The following NCAM2 variants were observed in gnomAD, a reference collection of about 807,000 sequenced individuals.
The protein encoded by NCAM2 is neural cell adhesion molecule 2.
A neutral mutation model predicts 98.1 loss-of-function variants in NCAM2; 30 were observed. The observed-to-expected ratio is 0.31, with a 90% CI of 0.23 to 0.41. The LOEUF (loss-of-function observed/expected upper bound fraction) is 0.41, where lower values mean the gene tolerates loss of function less well. NCAM2 is among the 10% of genes least tolerant of loss of function. NCAM2 has a pLI of 1.00. For missense variants in NCAM2, 867 were observed against 1,005.8 expected, an observed-to-expected ratio of 0.86 and a Z score of 1.87; for synonymous variants, 368 against 342.4, an observed-to-expected ratio of 1.07 and a Z score of -0.83.
chr21:21,450,831 CACAT>C (rs1446119900), intron 12 of NCAM2, among the ~76,000 whole-genome samples: 38 of 134,718 alleles, frequency 2.8e-4, no homozygotes, highest in African/African-American at 9.7e-4. Context: ...CACACACACA[CACAT>C]ATCTCCTGTC....
Position 21,508,947 on chromosome 21 carries a change from T to C in NCAM2, c.2174T>C (p.Phe725Ser). Reference protein sequence around the residue: ...ILVVTDVSCFFIRQCGLLMCI... With the variant: ...ILVVTDVSCFSIRQCGLLMCI... ...GTGGTAACAGACGTCAGCTGCTTCT[T>C]TATTCGGCAATGTGGGTTGCTGATG... is the stretch of plus-strand genomic sequence containing the variant. The change falls in exon 16 of 18, where the codon TTT becomes TCT. Residue 725 changes from phenylalanine to serine, a missense_variant. Transcript: ENST00000400546. 6.2e-7 allele frequency: 1 copy of C among 1,613,420 alleles called. No homozygotes were observed.
intron 1 of NCAM2, among the ~76,000 whole-genome samples, chr21:21,264,961 GTATA>G (rs377115769): frequency 1.8e-4 from 5 of 28,434 alleles, no homozygotes; most frequent in Non-Finnish European, 3.2e-4. Flanking sequence ...ATGTGTATGT[GTATA>G]TATACACATA....
chr21:21,410,402 C>T lies in NCAM2; in HGVS notation c.1324C>T (p.Pro442Ser). 6.2e-7 allele frequency: 1 copy of T among 1,600,046 alleles called. No individual in the cohort carries two copies. The highest frequency in any genetic ancestry group is 1.3e-5 in the African/African-American group (1 of 74,272). Residue 442 changes from proline to serine, a missense_variant, in exon 10 of 18, where the codon CCT becomes TCT. Pro to Ser is a moderately conservative substitution (Grantham distance 74). Coordinates refer to ENST00000400546, the MANE Select transcript of NCAM2 (RefSeq NM_004540.5). ...IHWRRDKLVL[P>S]AKNTTNLKTY... The stretch of plus-strand genomic sequence containing the variant: ...CTGGAGAAGAGATAAATTAGTCTTA[C>T]CTGCTAAAAACACGACCAATTTAAA...
chr21:21,516,764 T>A (rs1988737013), intron 16 of NCAM2, among the ~76,000 whole-genome samples: 1 of 152,184 alleles, frequency 6.6e-6, no homozygotes, highest in South Asian at 2.1e-4. Context: ...GATTTTATGT[T>A]GATCAAATCT....
At chr21:21,235,338 G>T (rs1320848123) in intron 1 of NCAM2, among the ~76,000 whole-genome samples, 2 of 151,846 alleles carry the variant, frequency 1.3e-5, no homozygotes, top group South Asian at 4.2e-4. Context: ...AATTTTGCAG[G>T]GAAATTTAAG....
At chr21:21,426,532 G>C (rs925288910) in intron 11 of NCAM2, among the ~76,000 whole-genome samples, 5 of 152,130 alleles carry the variant, frequency 3.3e-5, no homozygotes, top group African/African-American at 9.7e-5. Flanking sequence ...TACCTTCAAG[G>C]TCACAAAATA....
At chr21:21,373,738 T>A in intron 8 of NCAM2, 125 bp from the exon 9 acceptor site, 1 of 844,084 alleles carries the variant, frequency 1.2e-6, no homozygotes, top group Non-Finnish European at 1.7e-6. Flanking sequence ...ACTTTCTACA[T>A]CAGGAACAGT....
chr21:21,204,100 C>T (rs2069344870), intron 1 of NCAM2, among the ~76,000 whole-genome samples: 1 of 152,096 alleles, frequency 6.6e-6, no homozygotes, highest in Non-Finnish European at 1.5e-5. Flanking sequence ...ACCTTTACCT[C>T]CAGTTACTGC....
chr21:21,268,492 G>C (rs2072370156), intron 1 of NCAM2, among the ~76,000 whole-genome samples: 1 of 152,092 alleles, frequency 6.6e-6, no homozygotes, highest in Non-Finnish European at 1.5e-5. Flanking sequence ...GCCTCACGCT[G>C]TTTTCTCTCT....
rs749183526 is a variant in NCAM2, at chr21:21,537,845, G to GAAAATTGCCTTT, written c.2406_2417dup (p.Leu803_Lys806dup). 6.8e-7 allele frequency: 1 copy of GAAAATTGCCTTT among 1,470,050 alleles called. No individual in the cohort carries two copies. Among genetic ancestry groups the GAAAATTGCCTTT allele is most frequent in the East Asian group, 2.3e-5 (1 of 43,204 alleles). 91.1% of individuals were successfully genotyped at this position (1,470,050 alleles called of 1,614,324 possible). Reference sequence around the variant, plus strand: ...GAAGCTTATTATTTTTTATCTTCCAGAAAATTGCCTTTAAAGGAAGAAGAT... The same window carrying GAAAATTGCCTTT: ...GAAGCTTATTATTTTTTATCTTCCAGAAAATTGCCTTTAAAATTGCCTTTAAAGGAAGAAGAT... On this transcript the variant is annotated inframe_insertion and splice_region_variant. Transcript: ENST00000400546.
chr21:21,511,393 T>C (rs1314918666), intron 16 of NCAM2, among the ~76,000 whole-genome samples: 2 of 152,012 alleles, frequency 1.3e-5, no homozygotes, highest in Admixed American at 6.6e-5. Context: ...ATATTTTTCT[T>C]TCTGCACTGA....
At position 21,306,637 on chromosome 21, in the gene NCAM2, G is replaced by A. The variant is rs1194019947; in HGVS notation, c.619+14396G>A. Among the ~76,000 whole-genome samples, 3 of 152,074 alleles carry A rather than the reference G, an allele frequency of 2.0e-5. No homozygotes were observed. In the East Asian group the frequency reaches 5.8e-4, roughly 29 times the overall value. On this transcript the variant is annotated intron_variant, in intron 5 of 17. Transcript: ENST00000400546. ...GATACAAGGATGCAATGTGAAAGAA[G>A]CACATTCACATGAGAATGGGGTATC...
intron 15 of NCAM2, among the ~76,000 whole-genome samples, chr21:21,487,778 G>C (rs1986512216): frequency 6.6e-6 from 1 of 152,142 alleles, no homozygotes; most frequent in South Asian, 2.1e-4. Flanking sequence ...TCAGTTCACA[G>C]TAAGACCCAC....
chr21:21,226,110 C>T (rs1336251347), intron 1 of NCAM2, among the ~76,000 whole-genome samples: 1 of 151,808 alleles, frequency 6.6e-6, no homozygotes, highest in East Asian at 1.9e-4. Flanking sequence ...AAACAATGAG[C>T]ACACACAGAC....
chr21:21,460,207 C>T lies in NCAM2; in HGVS notation c.1655-6399C>T, dbSNP rs80145198. On this transcript the variant is annotated intron_variant, in intron 12 of 17. Coordinates refer to ENST00000400546, the MANE Select transcript of NCAM2 (RefSeq NM_004540.5). The stretch of plus-strand genomic sequence containing the variant: ...GATAATACATTTTCCTTATAATTCG[C>T]GTTTATGAGGATTTTCATTTACTAC... Among the ~76,000 whole-genome samples, 77 of 151,738 alleles carry T rather than the reference C, an allele frequency of 5.1e-4. No homozygotes were observed. In the East Asian group the frequency reaches 0.013, roughly 25 times the overall value.
At chr21:21,286,481 A>G in intron 4 of NCAM2, 69 bp downstream of exon 4, 2 of 1,491,336 alleles carry the variant, frequency 1.3e-6, no homozygotes, top group Non-Finnish European at 9.1e-7. Flanking sequence ...ATCTGAATCT[A>G]TGTGTCTAGT....
At chr21:21,068,265 T>A (rs1349085782) in intron 1 of NCAM2, among the ~76,000 whole-genome samples, 2 of 150,804 alleles carry the variant, frequency 1.3e-5, no homozygotes, top group African/African-American at 4.9e-5. Context: ...CTAGAGTTGC[T>A]GGGATTATAG....
intron 1 of NCAM2, among the ~76,000 whole-genome samples, chr21:21,121,190 G>A (rs1396148562): frequency 6.6e-6 from 1 of 152,162 alleles, no homozygotes; most frequent in Non-Finnish European, 1.5e-5. Context: ...GAAAGTATGA[G>A]TGATTGCATT....
intron 16 of NCAM2, among the ~76,000 whole-genome samples, chr21:21,533,721 C>T (rs1989835934): frequency 1.3e-5 from 2 of 149,492 alleles, no homozygotes; most frequent in Admixed American, 1.3e-4. Context: ...TTCTGTCTCA[C>T]TTTACTCCTT....
Sources: allele counts gnomAD v4.1 joint callset (sites outside exome capture counted in the v4.1 genomes callset), GRCh38; gene constraint gnomAD v4.1.1; transcripts MANE v1.5; gene names NCBI Gene and HGNC (gene_info 2026-07-23, HGNC 2026-07-21).